The following MEI4 variants were observed in gnomAD, a reference collection of about 807,000 sequenced individuals.
MEI4 encodes the protein meiosis-specific protein MEI4.
In MEI4, 27 loss-of-function variants were observed where a neutral mutation model predicts 31.4. That is an observed-to-expected ratio of 0.86 (90% CI 0.63 to 1.19). The LOEUF is 1.19. MEI4 is among the 50% of genes most tolerant of loss of function. MEI4 has a pLI of 0.00. For synonymous variants in MEI4, 122 were observed against 145.4 expected (o/e 0.84, Z 1.16); for missense variants, 329 against 398.9 (o/e 0.82, Z 1.49).
chr6:77,882,091 C>T (rs1477253993), intron 4 of MEI4, among the ~76,000 whole-genome samples: 1 of 152,152 alleles, frequency 6.6e-6, no homozygotes, highest in Non-Finnish European at 1.5e-5. Flanking sequence ...CCTGCAATTT[C>T]CTTTAAGTCA....
intron 4 of MEI4, among the ~76,000 whole-genome samples, chr6:77,860,505 A>T (rs181680036): frequency 6.6e-6 from 1 of 152,258 alleles, no homozygotes; most frequent in African/African-American, 2.4e-5. Context: ...TCATTAAGAA[A>T]CATCTTTTTA....
intron 2 of MEI4, among the ~76,000 whole-genome samples, chr6:77,734,403 G>C (rs1767115742): frequency 6.6e-6 from 1 of 151,968 alleles, no homozygotes. Flanking sequence ...GGCCTTCTTT[G>C]TGTCTTTTGA....
chr6:77,894,205 T>C (rs1419478456), intron 4 of MEI4, among the ~76,000 whole-genome samples: 1 of 152,042 alleles, frequency 6.6e-6, no homozygotes, highest in African/African-American at 2.4e-5. Context: ...TATCATATAC[T>C]TGTATGATTA....
intron 2 of MEI4, among the ~76,000 whole-genome samples, chr6:77,699,541 G>A (rs9443456): frequency 7.9e-5 from 12 of 152,082 alleles, no homozygotes; most frequent in African/African-American, 1.7e-4. Context: ...CCTCTAGCTC[G>A]GAGTGGTTTG....
intron 3 of MEI4, among the ~76,000 whole-genome samples, chr6:77,819,666 G>A (rs2127707871): frequency 6.6e-6 from 1 of 152,254 alleles, no homozygotes; most frequent in South Asian, 2.1e-4. Context: ...GAATTTGGCA[G>A]ATACCTTTCC....
intron 1 of MEI4, among the ~76,000 whole-genome samples, chr6:77,668,654 T>C (rs1334173268): frequency 6.6e-6 from 1 of 152,244 alleles, no homozygotes; most frequent in Non-Finnish European, 1.5e-5. Flanking sequence ...CATCTTTTAC[T>C]GTCTGAGCCT....
At chr6:77,913,066 G>A (rs1766466441) in intron 4 of MEI4, among the ~76,000 whole-genome samples, 1 of 152,052 alleles carries the variant, frequency 6.6e-6, no homozygotes, top group African/African-American at 2.4e-5. Context: ...CTATTGAGAT[G>A]ATCACATGGG....
At chr6:77,890,322 G>C (rs569811552) in intron 4 of MEI4, among the ~76,000 whole-genome samples, 24 of 152,312 alleles carry the variant, frequency 1.6e-4, no homozygotes, top group Admixed American at 1.3e-3. Context: ...AGTGTGACCT[G>C]AATATGAGAC....
At chr6:77,914,512 A>G (rs983263536) in intron 4 of MEI4, among the ~76,000 whole-genome samples, 5 of 152,068 alleles carry the variant, frequency 3.3e-5, no homozygotes, top group South Asian at 2.1e-4. Flanking sequence ...AACATGGTCA[A>G]TCCTGGGGGA....
intron 3 of MEI4, among the ~76,000 whole-genome samples, chr6:77,763,234 C>G (rs934039665): frequency 6.6e-6 from 1 of 151,808 alleles, no homozygotes; most frequent in Non-Finnish European, 1.5e-5. Context: ...GCAGATGGAC[C>G]AAGTCTTGGA....
chr6:77,765,992 G>A (rs1266280276), intron 3 of MEI4, among the ~76,000 whole-genome samples: 1 of 152,020 alleles, frequency 6.6e-6, no homozygotes, highest in East Asian at 1.9e-4. Flanking sequence ...AGAACACATG[G>A]ACACAGGAAG....
At chr6:77,772,348 C>T (rs1199163403) in intron 3 of MEI4, among the ~76,000 whole-genome samples, 1 of 151,530 alleles carries the variant, frequency 6.6e-6, no homozygotes, top group East Asian at 1.9e-4. Flanking sequence ...AATTCCACAA[C>T]ACATTAAAAA....
At chr6:77,818,521 G>T (rs1769741710) in intron 3 of MEI4, among the ~76,000 whole-genome samples, 1 of 151,948 alleles carries the variant, frequency 6.6e-6, no homozygotes, top group South Asian at 2.1e-4. Flanking sequence ...TCTTTTCCTG[G>T]TCTTTGTAAA....
At chr6:77,811,996 G>T (rs77890263) in intron 3 of MEI4, among the ~76,000 whole-genome samples, 1,856 of 152,142 alleles carry the variant, frequency 0.012, 45 homozygotes, top group African/African-American at 0.042. Flanking sequence ...TACATAAAGT[G>T]ATGTATTTTA....
intron 4 of MEI4, among the ~76,000 whole-genome samples, chr6:77,854,612 A>C (rs1770704220): frequency 6.6e-6 from 1 of 152,166 alleles, no homozygotes; most frequent in Admixed American, 6.5e-5. Flanking sequence ...TAGCCACATA[A>C]CAGTAGCTTA....
At chr6:77,913,636 C>T (rs1766478323) in intron 4 of MEI4, among the ~76,000 whole-genome samples, 1 of 151,080 alleles carries the variant, frequency 6.6e-6, no homozygotes, top group African/African-American at 2.4e-5. Flanking sequence ...TGCAATGTCT[C>T]CCTTTTCATT....
At chr6:77,791,641 C>T (rs1252906060) in intron 3 of MEI4, among the ~76,000 whole-genome samples, 1 of 149,264 alleles carries the variant, frequency 6.7e-6, no homozygotes, top group Admixed American at 6.7e-5. Flanking sequence ...TGTAACTAAC[C>T]TGCACAATGT....
intron 4 of MEI4, among the ~76,000 whole-genome samples, chr6:77,853,827 T>A (rs918342987): frequency 3.3e-5 from 5 of 152,182 alleles, no homozygotes; most frequent in African/African-American, 9.7e-5. Context: ...ACGTTAGAGA[T>A]CTGTTTTTGA....
At chr6:77,699,174 T>C (rs1366910770) in intron 2 of MEI4, among the ~76,000 whole-genome samples, 1 of 149,112 alleles carries the variant, frequency 6.7e-6, no homozygotes, top group East Asian at 2.0e-4. Flanking sequence ...TTCGTCTAAT[T>C]TTTTTTCAAA....
Sources: allele counts gnomAD v4.1 joint callset (sites outside exome capture counted in the v4.1 genomes callset), GRCh38; gene constraint gnomAD v4.1.1; transcripts MANE v1.5; gene names NCBI Gene and HGNC (gene_info 2026-07-23, HGNC 2026-07-21).